The following NOL4 variants were observed in gnomAD, a reference collection of about 807,000 sequenced individuals.
NOL4 encodes the protein cancer/testis antigen 125.
Under a neutral mutation model 75.9 loss-of-function variants are expected in NOL4, and 17 were observed. That is an observed-to-expected ratio of 0.22 (90% CI 0.15 to 0.34). The LOEUF (loss-of-function observed/expected upper bound fraction) is 0.34. Ranked by LOEUF, NOL4 falls within the 10% of genes least tolerant of loss-of-function variation. The probability of loss-of-function intolerance (pLI) is 1.00; values close to 1 mark genes in which losing one functional copy is unlikely to be tolerated. For missense variants in NOL4, 614 were observed against 793.5 expected, an observed-to-expected ratio of 0.77 and a Z score of 2.72; for synonymous variants, 292 against 289.9, an observed-to-expected ratio of 1.01 and a Z score of -0.07.
intron 1 of NOL4, among the ~76,000 whole-genome samples, chr18:34,208,899 T>C (rs1163014325): frequency 1.3e-5 from 2 of 151,128 alleles, no homozygotes; most frequent in South Asian, 2.1e-4. Flanking sequence ...TCATAATTCA[T>C]TGGGAAAGGG....
intron 9 of NOL4, among the ~76,000 whole-genome samples, chr18:33,924,274 C>T (rs2067201853): frequency 6.6e-6 from 1 of 152,204 alleles, no homozygotes; most frequent in Non-Finnish European, 1.5e-5. Context: ...TGAAAGGCAA[C>T]AGTAGCCAAA....
At chr18:34,057,765 C>T (rs1732710597) in intron 5 of NOL4, among the ~76,000 whole-genome samples, 1 of 152,100 alleles carries the variant, frequency 6.6e-6, no homozygotes. Context: ...GCTCTAGTTG[C>T]ACATTGCTAT....
chr18:34,222,145 G>A (rs2037360278), intron 1 of NOL4: 4 of 1,526,728 alleles, frequency 2.6e-6, no homozygotes, highest in Non-Finnish European at 3.5e-6. Context: ...CTTCTGCAGC[G>A]TGAGGCTGAG....
In NOL4 at chr18:34,224,466, C is replaced by T. The variant is rs1292930541; in HGVS notation, c.-1213G>A. ...AAGTCAGCAGTTGCTCCATTCAGGA[C>T]TTCCATCCATTTGTTTCCAGAGCTG... is the stretch of plus-strand genomic sequence containing the variant. On this transcript the variant is annotated 5_prime_UTR_variant, in exon 1 of 11. Coordinates refer to ENST00000261592, the MANE Select transcript of NOL4 (RefSeq NM_003787.5). 2 of 152,346 alleles carry T rather than the reference C, an allele frequency of 1.3e-5. No individual in the cohort carries two copies. The highest frequency in any genetic ancestry group is 2.4e-5 in the African/African-American group (1 of 41,454). 9.4% of individuals were successfully genotyped at this position (152,346 alleles called of 1,614,324 possible). A position where few individuals can be genotyped will look rare whatever the true frequency, so the allele number is the denominator to read the frequency against.
intron 1 of NOL4, among the ~76,000 whole-genome samples, chr18:34,174,741 T>C (rs1206934028): frequency 1.3e-5 from 2 of 152,088 alleles, no homozygotes; most frequent in African/African-American, 2.4e-5. Flanking sequence ...TGTGTTCTCA[T>C]TGTTCAACTA....
At chr18:33,938,125 A>T (rs1343062777) in intron 9 of NOL4, among the ~76,000 whole-genome samples, 2 of 151,924 alleles carry the variant, frequency 1.3e-5, no homozygotes, top group Non-Finnish European at 2.9e-5. Flanking sequence ...TCTAATATAA[A>T]CTCATATTCT....
At chr18:34,195,507 T>G (rs1388287252) in intron 1 of NOL4, among the ~76,000 whole-genome samples, 1 of 152,086 alleles carries the variant, frequency 6.6e-6, no homozygotes, top group Non-Finnish European at 1.5e-5. Context: ...TACGAAATAC[T>G]GAAGAGGCCA....
At chr18:34,040,049 A>G (rs1238951693) in intron 5 of NOL4, among the ~76,000 whole-genome samples, 1 of 152,026 alleles carries the variant, frequency 6.6e-6, no homozygotes, top group Admixed American at 6.6e-5. Context: ...TATCAAACCC[A>G]TTTTGATTTA....
At position 34,148,016 on chromosome 18, in the gene NOL4, G is replaced by A. The variant is rs116727842; in HGVS notation, c.265-17996C>T. Among the ~76,000 whole-genome samples, 1,215 of 152,196 alleles carry A rather than the reference G, an allele frequency of 8.0e-3. 9 individuals carry two copies. Among genetic ancestry groups the A allele is most frequent in the African/African-American group, 0.028 (1,153 of 41,546 alleles). On this transcript the variant is annotated intron_variant, in intron 1 of 10. Transcript: ENST00000261592. ...GCTTATTTACATAGAGGTGTTTATA[G>A]TATTCTCCAATGGGAGTTTGTATTT...
rs1381765940 is a variant in NOL4 at position 33,983,580 on chromosome 18, T to C, written c.1057-25162A>G. ...GTATATGTATGTGTATGTATAAATATATATAAATAGGAGGTGCATACACAC... is the reference window on the plus strand; with the variant it reads ...GTATATGTATGTGTATGTATAAATACATATAAATAGGAGGTGCATACACAC... On this transcript the variant is annotated intron_variant, in intron 6 of 10. Coordinates refer to ENST00000261592, the MANE Select transcript of NOL4 (RefSeq NM_003787.5). Among the ~76,000 whole-genome samples the C allele has an allele frequency of 4.7e-5, 7 of 149,928 alleles. No individual in the cohort carries two copies. In the East Asian group the frequency reaches 6.2e-4, roughly 13 times the overall value.
intron 10 of NOL4, among the ~76,000 whole-genome samples, chr18:33,882,274 C>T (rs1232548577): frequency 6.6e-6 from 1 of 151,788 alleles, no homozygotes; most frequent in Non-Finnish European, 1.5e-5. Context: ...AGGCAGCCTA[C>T]AAAATGGGAG....
chr18:33,920,701 G>A (rs2066987187), intron 9 of NOL4, among the ~76,000 whole-genome samples: 1 of 152,210 alleles, frequency 6.6e-6, no homozygotes, highest in Admixed American at 6.5e-5. Flanking sequence ...TATTCAGGAA[G>A]AATGTGTAAA....
intron 5 of NOL4, among the ~76,000 whole-genome samples, chr18:34,020,110 G>T (rs369945543): frequency 6.9e-4 from 105 of 152,110 alleles, no homozygotes; most frequent in African/African-American, 2.4e-3. Context: ...TGTACAGTCT[G>T]CAGGGCTGTA....
intron 1 of NOL4, among the ~76,000 whole-genome samples, chr18:34,178,470 A>G (rs1334462963): frequency 6.6e-6 from 1 of 151,728 alleles, no homozygotes; most frequent in Non-Finnish European, 1.5e-5. Flanking sequence ...ATGGACATAT[A>G]TGATATTCTG....
chr18:34,026,932 G>A (rs192971466), intron 5 of NOL4, among the ~76,000 whole-genome samples: 1 of 152,232 alleles, frequency 6.6e-6, no homozygotes, highest in Non-Finnish European at 1.5e-5. Context: ...GTATATCTCA[G>A]CAGGAAACAC....
chr18:34,029,910 T>C (rs1600313872), intron 5 of NOL4, among the ~76,000 whole-genome samples: 1 of 152,142 alleles, frequency 6.6e-6, no homozygotes, highest in Non-Finnish European at 1.5e-5. Flanking sequence ...ATAATAAATA[T>C]AGTGACAAAA....
At chr18:34,163,243 C>A (rs905421507) in intron 1 of NOL4, among the ~76,000 whole-genome samples, 2 of 151,912 alleles carry the variant, frequency 1.3e-5, no homozygotes, top group Non-Finnish European at 2.9e-5. Context: ...CTGGCCAGGG[C>A]AATTAGGCAG....
chr18:33,945,478 C>A (rs985485970), intron 8 of NOL4, among the ~76,000 whole-genome samples: 4 of 151,814 alleles, frequency 2.6e-5, no homozygotes, highest in East Asian at 1.9e-4. Flanking sequence ...TTTTACTACT[C>A]AACTTCTACT....
At chr18:34,009,315 G>C (rs948014267) in intron 6 of NOL4, among the ~76,000 whole-genome samples, 11 of 151,806 alleles carry the variant, frequency 7.2e-5, no homozygotes, top group Admixed American at 2.0e-4. Context: ...AGGAAGAAGG[G>C]ACAAAAGAAG....
Sources: allele counts gnomAD v4.1 joint callset (sites outside exome capture counted in the v4.1 genomes callset), GRCh38; gene constraint gnomAD v4.1.1; transcripts MANE v1.5; gene names NCBI Gene and HGNC (gene_info 2026-07-23, HGNC 2026-07-21).